Variants in COL5A1 observed in about 807,000 individuals in gnomAD.
COL5A1 encodes collagen alpha-1(V) chain.
Under a neutral mutation model 263.7 loss-of-function variants are expected in COL5A1, and 16 were observed. That is an observed-to-expected ratio of 0.06 (90% CI 0.04 to 0.09). The LOEUF (loss-of-function observed/expected upper bound fraction) is 0.09. Ranked by LOEUF, COL5A1 falls within the 10% of genes least tolerant of loss-of-function variation. The probability of loss-of-function intolerance (pLI) is 1.00; values close to 1 mark genes in which losing one functional copy is unlikely to be tolerated. For missense variants in COL5A1, 2,036 were observed against 2,540.5 expected (o/e 0.80, Z 4.27); for synonymous variants, 1,012 against 1,004.5 (o/e 1.01, Z -0.14).
In COL5A1 at chr9:134,824,994, C is replaced by T. The variant is rs1056341726; in HGVS notation, c.4954+139C>T. On this transcript the variant is annotated intron_variant, in intron 62 of 65. Coordinates refer to ENST00000371817, the MANE Select transcript of COL5A1 (RefSeq NM_000093.5). ...GCCGCAGCCTCCCCATCTGTGGGGCCGGGGTGCGCAAGAGCCTCCCCTCTT... is the reference window on the plus strand; with the variant it reads ...GCCGCAGCCTCCCCATCTGTGGGGCTGGGGTGCGCAAGAGCCTCCCCTCTT... The T allele has an allele frequency of 5.5e-5, 68 of 1,247,582 alleles. 1 individual carries two copies. The African/African-American group carries it at 6.2e-4, about 11-fold the overall frequency. The allele number at this position is 1,247,582 out of a possible 1,614,324, so 77.3% of individuals were successfully genotyped here.
chr9:134,830,011 C>T lies in COL5A1; in HGVS notation c.5103C>T (p.Gly1701=), dbSNP rs749265508. Reference sequence around the variant, plus strand: ...CTTCTTGGCCCAAAGAAAACCCGGGCTCCTGGTTCAGTGAATTCAAGCGTG... The same window carrying T: ...CTTCTTGGCCCAAAGAAAACCCGGGTTCCTGGTTCAGTGAATTCAAGCGTG... ...RITSWPKENP[G]SWFSEFKRGK... The change falls in exon 64 of 66, where the codon GGC becomes GGT. Residue 1701 remains glycine (G), a synonymous_variant. Transcript: ENST00000371817. The T allele has an allele frequency of 1.9e-6, 3 of 1,614,060 alleles. No individual in the cohort carries two copies. Among genetic ancestry groups the T allele is most frequent in the Non-Finnish European group, 2.5e-6 (3 of 1,179,984 alleles).
At chr9:134,771,961 C>T (rs1435849308) in intron 25 of COL5A1, among the ~76,000 whole-genome samples, 1 of 152,216 alleles carries the variant, frequency 6.6e-6, no homozygotes, top group East Asian at 1.9e-4. Context: ...ACCGAGTGAC[C>T]CGCCTGGGTT....
intron 18 of COL5A1, among the ~76,000 whole-genome samples, chr9:134,760,662 C>CGT (rs1836363707): frequency 1.5e-5 from 2 of 134,998 alleles, no homozygotes; most frequent in Non-Finnish European, 3.2e-5. Context: ...CACACACACA[C>CGT]ACCACACATG....
intron 41 of COL5A1, 111 bp downstream of exon 41, chr9:134,805,325 T>C: frequency 1.6e-6 from 2 of 1,277,012 alleles, no homozygotes; most frequent in Non-Finnish European, 2.3e-6. Flanking sequence ...CCGAGGAGCC[T>C]GGGGAGGATG....
chr9:134,730,425 G>T lies in COL5A1; in HGVS notation c.1114G>T (p.Ala372Ser), dbSNP rs755289850. ...CCCCGACCAGCCCACAGACCCAGGCGCTGGGGCCGAAATTCCCACCAGCAC... is the reference window on the plus strand; with the variant it reads ...CCCCGACCAGCCCACAGACCCAGGCTCTGGGGCCGAAATTCCCACCAGCAC... Reference protein sequence around the residue: ...ENPDQPTDPGAGAEIPTSTAD... With the variant: ...ENPDQPTDPGSGAEIPTSTAD... The change falls in exon 7 of 66, where the codon GCT (alanine) becomes TCT (serine). Residue 372 changes from alanine to serine, a missense_variant. By Grantham distance (99) the Ala-to-Ser change is moderately conservative. This residue lies in a region of COL5A1 where 600 missense variants were observed against 634.5 expected (regional missense o/e 0.95). Coordinates refer to ENST00000371817, the MANE Select transcript of COL5A1 (RefSeq NM_000093.5). 5.6e-6 allele frequency: 9 copies of T among 1,613,974 alleles called. No homozygotes were observed. Among genetic ancestry groups the T allele is most frequent in the Middle Eastern group, 1.6e-4 (1 of 6,084 alleles).
rs1564437250 is a variant in COL5A1 at position 134,759,268 on chromosome 9, T to TCGCACACA, written c.1935+973_1935+974insGCACACAC. The stretch of plus-strand genomic sequence containing the variant: ...ACCACACATGTGTGCGCGCACACAC[T>TCGCACACA]CATACACACATGCACACACACGCAT... On this transcript the variant is annotated intron_variant, in intron 18 of 65. Transcript: ENST00000371817. Among the ~76,000 whole-genome samples, 17 of 122,776 alleles carry TCGCACACA rather than the reference T, an allele frequency of 1.4e-4. No individual in the cohort carries two copies. In the East Asian group the frequency reaches 3.8e-3, roughly 27 times the overall value. The allele number at this position is 122,776 out of a possible 152,430, so 80.5% of individuals were successfully genotyped here.
chr9:134,811,404 T>C lies in COL5A1; in HGVS notation c.3582+12T>C, dbSNP rs972788524. On this transcript the variant is annotated intron_variant, in intron 45 of 65. Coordinates refer to ENST00000371817, the MANE Select transcript of COL5A1 (RefSeq NM_000093.5). ...AGCCAGGCCCCTCTGTGAGTATCCA[T>C]GGTCAATGACCTTCGAAAAGCCCCA... 5.6e-6 allele frequency: 9 copies of C among 1,613,650 alleles called. No homozygotes were observed. Among genetic ancestry groups the C allele is most frequent in the South Asian group, 1.1e-5 (1 of 91,074 alleles).
chr9:134,792,247 G>A (rs1322202172), intron 32 of COL5A1, among the ~76,000 whole-genome samples: 1 of 152,220 alleles, frequency 6.6e-6, no homozygotes, highest in Non-Finnish European at 1.5e-5. Context: ...TTAGCCAGGG[G>A]GAATGGCACT....
At chr9:134,777,837 A>T (rs1837108216) in intron 27 of COL5A1, among the ~76,000 whole-genome samples, 1 of 152,212 alleles carries the variant, frequency 6.6e-6, no homozygotes, top group South Asian at 2.1e-4. Flanking sequence ...CCAGTCCCCC[A>T]GGACTCAGGG....
intron 65 of COL5A1, among the ~76,000 whole-genome samples, chr9:134,839,516 C>G (rs1393150828): frequency 6.6e-6 from 1 of 152,170 alleles, no homozygotes; most frequent in Non-Finnish European, 1.5e-5. Context: ...AACTGCTTGC[C>G]CAGCCTCCCA....
At chr9:134,825,083 C>G (rs1008419558) in intron 62 of COL5A1, among the ~76,000 whole-genome samples, 2 of 152,230 alleles carry the variant, frequency 1.3e-5, no homozygotes, top group African/African-American at 4.8e-5. Flanking sequence ...AGGTCAGACT[C>G]TCCAGGTTCT....
At chr9:134,809,051 A>T in intron 42 of COL5A1, 132 bp from the exon 43 acceptor site, 1 of 814,896 alleles carries the variant, frequency 1.2e-6, no homozygotes, top group Non-Finnish European at 2.1e-6. Context: ...GAAATCCATT[A>T]GGACTGTGGG....
chr9:134,725,345 A>T (rs749865585), intron 4 of COL5A1, among the ~76,000 whole-genome samples: 16 of 152,142 alleles, frequency 1.1e-4, no homozygotes, highest in Non-Finnish European at 1.8e-4. Context: ...GCACAGAGAG[A>T]CCAGGTGCAG....
chr9:134,832,438 A>G (rs1192425722), intron 64 of COL5A1, among the ~76,000 whole-genome samples: 1 of 152,142 alleles, frequency 6.6e-6, no homozygotes, highest in South Asian at 2.1e-4. Flanking sequence ...CAGAAATGGG[A>G]ATTTTATCTG....
At chr9:134,820,086 A>G in intron 57 of COL5A1, 30 bp from the exon 58 acceptor site, 1 of 1,573,264 alleles carries the variant, frequency 6.4e-7, no homozygotes, top group Non-Finnish European at 8.7e-7. Flanking sequence ...GCTCCCTCAA[A>G]TGCCCCTTCC....
intron 4 of COL5A1, 109 bp from the exon 5 acceptor site, chr9:134,727,157 G>A (rs1038013203): frequency 2.7e-5 from 32 of 1,168,778 alleles, no homozygotes; most frequent in Non-Finnish European, 3.8e-5. Flanking sequence ...AGCTCGTCTT[G>A]TGGCTTGGTC....
rs766748232 is a variant in COL5A1 at position 134,842,192 on chromosome 9, C to T, written c.5406C>T (p.Ile1802=). 7 of 1,614,170 alleles carry T rather than the reference C, an allele frequency of 4.3e-6. No homozygotes were observed. The highest frequency in any genetic ancestry group is 2.2e-5 in the South Asian group (2 of 91,070). Residue 1802 remains isoleucine (I), a synonymous_variant, in exon 66 of 66, where the codon ATC becomes ATT. Coordinates refer to ENST00000371817, the MANE Select transcript of COL5A1 (RefSeq NM_000093.5). This position sits in a 1 kb window ranked among gnomAD's most constrained non-coding sequence, Gnocchi z 5.8. ...GCTACCAGAAGACGGTTCTGGAGAT[C>T]GACACCCCCAAAGTGGAGCAGGTGC... ...KKGYQKTVLE[I]DTPKVEQVPI...
Position 134,758,151 on chromosome 9 carries a change from A to G in COL5A1, c.1882-92A>G, listed in dbSNP as rs916667916. The G allele has an allele frequency of 2.2e-6, 3 of 1,337,824 alleles. No homozygotes were observed. The highest frequency in any genetic ancestry group is 1.7e-5 in the Admixed American group (1 of 59,502). The allele number at this position is 1,337,824 out of a possible 1,614,324, so 82.9% of individuals were successfully genotyped here. A position where few individuals can be genotyped will look rare whatever the true frequency, so the allele number is the denominator to read the frequency against. ...ATAGATGCTGTGTGAAACGTGGTCC[A>G]AGGCGGGGCGGCCATCACTTGGTGG... On this transcript the variant is annotated intron_variant, in intron 17 of 65. Transcript: ENST00000371817. The surrounding 1 kb of genome is among the most constrained non-coding windows in gnomAD (Gnocchi z 4.1).
chr9:134,836,850 T>C (rs1839870187), intron 65 of COL5A1, among the ~76,000 whole-genome samples: 1 of 152,158 alleles, frequency 6.6e-6, no homozygotes, highest in Admixed American at 6.5e-5. Flanking sequence ...AGTGCTCACC[T>C]CTCCTCCCGG....
Sources: gnomAD v4.1 joint callset for allele counts (sites outside exome capture counted in the v4.1 genomes callset) on GRCh38, gnomAD v4.1.1 for gene constraint, gnomAD v4.1.1 regional missense constraint, Gnocchi (gnomAD v3.1) non-coding constraint, MANE v1.5 for transcripts, NCBI Gene and HGNC (gene_info 2026-07-23, HGNC 2026-07-21) for gene names.